The following XKR6 variants were observed in gnomAD, a reference collection of about 807,000 sequenced individuals.
XKR6 encodes the protein XK-related protein 6.
In XKR6, 22 loss-of-function variants were observed where a neutral mutation model predicts 56.7. The observed-to-expected ratio is 0.39, with a 90% CI of 0.28 to 0.55. The LOEUF is 0.55. Ranked by LOEUF, XKR6 falls within the 20% of genes least tolerant of loss-of-function variation. The pLI is 0.66. For missense variants in XKR6, 852 were observed against 889.0 expected, an observed-to-expected ratio of 0.96 and a Z score of 0.53; for synonymous variants, 524 against 387.8, an observed-to-expected ratio of 1.35 and a Z score of -4.13.
At chr8:11,008,587 A>AT (rs921691102) in intron 1 of XKR6, among the ~76,000 whole-genome samples, 23 of 151,856 alleles carry the variant, frequency 1.5e-4, no homozygotes, top group Admixed American at 1.4e-3. Flanking sequence ...TGCCTGGCTA[A>AT]TTTTTTCTTT....
chr8:11,156,524 T>A (rs1479351298), intron 1 of XKR6, among the ~76,000 whole-genome samples: 1 of 152,236 alleles, frequency 6.6e-6, no homozygotes, highest in African/African-American at 2.4e-5. Flanking sequence ...ATTTTGTGTA[T>A]CTTAATGTTT....
rs971964828 is a variant in XKR6, at chr8:10,989,936, C to T, written c.765-65106G>A. On this transcript the variant is annotated intron_variant, in intron 1 of 2. Transcript: ENST00000416569. ...GTTTGCCACGTGTAACAGGATCAGA[C>T]GAAGTGTGTCATGCTTCATTCTGTA... Among the ~76,000 whole-genome samples, 156 of 152,256 alleles carry T rather than the reference C, an allele frequency of 1.0e-3. 1 individual carries two copies. Among genetic ancestry groups the T allele is most frequent in the African/African-American group, 3.7e-3 (154 of 41,542 alleles).
At chr8:11,132,861 G>GA (rs33917510) in intron 1 of XKR6, among the ~76,000 whole-genome samples, 90 of 144,094 alleles carry the variant, frequency 6.2e-4, no homozygotes, top group East Asian at 2.9e-3. Flanking sequence ...TATGATGTGT[G>GA]AAAAAAAAAA....
chr8:11,023,324 T>C (rs1798788649), intron 1 of XKR6, among the ~76,000 whole-genome samples: 1 of 152,188 alleles, frequency 6.6e-6, no homozygotes, highest in African/African-American at 2.4e-5. Flanking sequence ...GCCCCCGAAG[T>C]CATCTGAGGC....
chr8:10,940,622 C>A (rs1243039619), intron 1 of XKR6, among the ~76,000 whole-genome samples: 1 of 152,208 alleles, frequency 6.6e-6, no homozygotes, highest in African/African-American at 2.4e-5. Flanking sequence ...CAAAGCCACG[C>A]AACACAGGTC....
intron 2 of XKR6, among the ~76,000 whole-genome samples, chr8:10,907,551 G>A (rs1276003443): frequency 1.3e-5 from 2 of 152,158 alleles, no homozygotes; most frequent in African/African-American, 2.4e-5. Flanking sequence ...AGACACTGAG[G>A]CTTACAGGCT....
intron 1 of XKR6, among the ~76,000 whole-genome samples, chr8:11,112,662 A>G (rs1798960138): frequency 6.6e-6 from 1 of 152,216 alleles, no homozygotes; most frequent in Non-Finnish European, 1.5e-5. Context: ...ACAAAGAACC[A>G]CTGAGTGCAC....
intron 1 of XKR6, among the ~76,000 whole-genome samples, chr8:11,130,651 T>C (rs1280598990): frequency 1.3e-5 from 2 of 151,424 alleles, no homozygotes; most frequent in African/African-American, 4.9e-5. Context: ...CACCTAAGGA[T>C]GATGTAAAAG....
intron 1 of XKR6, among the ~76,000 whole-genome samples, chr8:11,053,775 T>A (rs542293136): frequency 6.6e-6 from 1 of 152,250 alleles, no homozygotes; most frequent in Non-Finnish European, 1.5e-5. Flanking sequence ...CCAGTCCACA[T>A]GACTTCACTT....
chr8:11,177,439 G>C (rs773860650), intron 1 of XKR6, among the ~76,000 whole-genome samples: 1 of 152,212 alleles, frequency 6.6e-6, no homozygotes, highest in Non-Finnish European at 1.5e-5. Flanking sequence ...AAAAGACCAT[G>C]AGTGTTATGG....
intron 1 of XKR6, among the ~76,000 whole-genome samples, chr8:10,962,632 T>C (rs556646264): frequency 1.3e-4 from 20 of 152,282 alleles, no homozygotes; most frequent in Non-Finnish European, 2.4e-4. Flanking sequence ...TGTTTTGTTT[T>C]TTTTTGTTTT....
intron 1 of XKR6, among the ~76,000 whole-genome samples, chr8:11,154,117 T>C (rs1488453020): frequency 6.6e-6 from 1 of 152,150 alleles, no homozygotes; most frequent in Admixed American, 6.5e-5. Flanking sequence ...AATAGAAGTG[T>C]CCTTGTTTAG....
At position 11,114,773 on chromosome 8, in the gene XKR6, G is replaced by GTGTGTGTGTGTGTGTATA. The variant is rs34746866; in HGVS notation, c.764+85802_764+85803insTATACACACACACACACA. ...TGTGTGTGTGTGTGTGTGTGTGTGTGTATGTGCCAGGGCAAGAAAGGTCAG... is the reference window on the plus strand; with the variant it reads ...TGTGTGTGTGTGTGTGTGTGTGTGTGTGTGTGTGTGTGTGTATATATGTGCCAGGGCAAGAAAGGTCAG... On this transcript the variant is annotated intron_variant, in intron 1 of 2. Transcript: ENST00000416569. 7.0e-4 allele frequency among the ~76,000 whole-genome samples: 102 copies of GTGTGTGTGTGTGTGTATA among 146,612 alleles called. 1 individual carries two copies. Among genetic ancestry groups the GTGTGTGTGTGTGTGTATA allele is most frequent in the Non-Finnish European group, 8.2e-4 (54 of 66,058 alleles).
At chr8:11,071,571 C>A (rs762567640) in intron 1 of XKR6, among the ~76,000 whole-genome samples, 1 of 94,250 alleles carries the variant, frequency 1.1e-5, no homozygotes, top group East Asian at 2.7e-4. Flanking sequence ...GCCCCGAGTC[C>A]ATGAGCCCCG....
chr8:11,156,770 G>A (rs200877150), intron 1 of XKR6, among the ~76,000 whole-genome samples: 3 of 151,932 alleles, frequency 2.0e-5, no homozygotes, highest in African/African-American at 4.8e-5. Flanking sequence ...TCTAAATGAC[G>A]TAGGTAAATA....
intron 1 of XKR6, among the ~76,000 whole-genome samples, chr8:10,955,274 G>T (rs995062991): frequency 2.0e-5 from 3 of 152,188 alleles, no homozygotes; most frequent in African/African-American, 4.8e-5. Flanking sequence ...CCAGGCTCAA[G>T]AAATCCTCCC....
intron 1 of XKR6, among the ~76,000 whole-genome samples, chr8:10,998,432 A>G (rs1159397401): frequency 6.6e-6 from 1 of 152,136 alleles, no homozygotes; most frequent in African/African-American, 2.4e-5. Context: ...AATTCCTAGA[A>G]TTCACCTCTC....
At chr8:10,996,343 C>T (rs1193228755) in intron 1 of XKR6, among the ~76,000 whole-genome samples, 3 of 152,072 alleles carry the variant, frequency 2.0e-5, no homozygotes, top group African/African-American at 7.2e-5. Context: ...TAATTTCTGC[C>T]GCTGCTGACA....
intron 1 of XKR6, among the ~76,000 whole-genome samples, chr8:11,035,882 C>T (rs1448812014): frequency 6.6e-6 from 1 of 151,040 alleles, no homozygotes; most frequent in Non-Finnish European, 1.5e-5. Context: ...TAGGGCTCCC[C>T]TTTGTGTATC....
Sources: gnomAD v4.1 joint callset for allele counts (sites outside exome capture counted in the v4.1 genomes callset) on GRCh38, gnomAD v4.1.1 for gene constraint, MANE v1.5 for transcripts, NCBI Gene and HGNC (gene_info 2026-07-23, HGNC 2026-07-21) for gene names.